The following MYO18B variants were observed in gnomAD, a reference collection of about 807,000 sequenced individuals.
MYO18B encodes unconventional myosin-XVIIIb.
MYO18B carries 204 observed loss-of-function variants against 273.0 expected under a neutral mutation model. The observed-to-expected ratio is 0.75, with a 90% CI of 0.67 to 0.84. The LOEUF is 0.84. Ranked by LOEUF, MYO18B falls within the 40% of genes least tolerant of loss-of-function variation. The probability of loss-of-function intolerance (pLI) is 0.00; values close to 1 mark genes in which losing one functional copy is unlikely to be tolerated. For synonymous variants in MYO18B, 1,330 were observed against 1,305.7 expected, an observed-to-expected ratio of 1.02 and a Z score of -0.40; for missense variants, 3,212 against 3,287.6, an observed-to-expected ratio of 0.98 and a Z score of 0.56.
rs368334234 is a variant in MYO18B at position 25,831,486 on chromosome 22, G to A, written c.2980-1431G>A. 1.1e-3 allele frequency among the ~76,000 whole-genome samples: 173 copies of A among 152,258 alleles called. 2 individuals are homozygous for A. The South Asian group carries it at 0.034, about 30-fold the overall frequency. The stretch of plus-strand genomic sequence containing the variant: ...CAACCTCTGCCTCCCGGGTTCAAGC[G>A]ATTCTCTTGCCTCAGCCTCCCAAGT... On this transcript the variant is annotated intron_variant, in intron 15 of 43. Transcript: ENST00000335473.
At position 25,875,512 on chromosome 22, in the gene MYO18B, C is replaced by CA. The variant is rs566477493; in HGVS notation, c.4081-677_4081-676insA. Among the ~76,000 whole-genome samples, 18 of 151,746 alleles carry CA rather than the reference C, an allele frequency of 1.2e-4. No homozygotes were observed. In the South Asian group the frequency reaches 1.5e-3, roughly 12 times the overall value. The stretch of plus-strand genomic sequence containing the variant: ...CAGTCAGTGCTGTTCTGGTCCCCCC[C>CA]CCAGTGATAAGAATGAAGCGGGTCA... On this transcript the variant is annotated intron_variant, in intron 23 of 43. Transcript: ENST00000335473.
intron 3 of MYO18B, among the ~76,000 whole-genome samples, chr22:25,767,331 G>A (rs930443991): frequency 4.6e-5 from 7 of 152,230 alleles, no homozygotes; most frequent in African/African-American, 1.7e-4. Context: ...TCAGGCAAGA[G>A]TGGGGGACCC....
At chr22:25,875,757 C>T (rs1043873225) in intron 23 of MYO18B, among the ~76,000 whole-genome samples, 7 of 152,288 alleles carry the variant, frequency 4.6e-5, no homozygotes, top group African/African-American at 1.7e-4. Flanking sequence ...AAAATGATCT[C>T]CCTTCAATAT....
chr22:25,895,175 C>T lies in MYO18B; in HGVS notation c.4563C>T (p.Arg1521=). ...AAACAGCAGACGAGTGGCAGATGCGCTTCGACTGTGCTCAGATGGAGAACG... is the reference window on the plus strand; with the variant it reads ...AAACAGCAGACGAGTGGCAGATGCGTTTCGACTGTGCTCAGATGGAGAACG... ...PTGGADEWQM[R]FDCAQMENEF... is the part of the protein sequence containing the mutation. Residue 1521 remains arginine (R), a synonymous_variant, in exon 28 of 44, where the codon CGC becomes CGT. Transcript: ENST00000335473. The T allele has an allele frequency of 6.2e-7, 1 of 1,612,482 alleles. No homozygotes were observed. The highest frequency in any genetic ancestry group is 8.5e-7 in the Non-Finnish European group (1 of 1,179,328).
At chr22:25,840,210 TCATAACAAGGC>T (rs1272007941) in intron 17 of MYO18B, among the ~76,000 whole-genome samples, 3 of 152,202 alleles carry the variant, frequency 2.0e-5, no homozygotes, top group African/African-American at 7.2e-5. Flanking sequence ...AGGGCCCTGA[TCATAACAAGGC>T]CATATGTGCA....
chr22:25,789,605 C>T (rs1201660040), intron 11 of MYO18B, among the ~76,000 whole-genome samples: 1 of 149,676 alleles, frequency 6.7e-6, no homozygotes, highest in East Asian at 2.0e-4. Context: ...CACTGCACCC[C>T]AGCCTAAGTG....
At position 25,831,222 on chromosome 22, in the gene MYO18B, C is replaced by T. The variant is rs1417830331; in HGVS notation, c.2980-1695C>T. ...GTATTACATTATTCACATAACCTCC[C>T]TCCACTTACAAATCTTAGTAAACCT... On this transcript the variant is annotated intron_variant, in intron 15 of 43. Transcript: ENST00000335473. 2.6e-5 allele frequency among the ~76,000 whole-genome samples: 4 copies of T among 152,188 alleles called. No individual in the cohort carries two copies. The East Asian group carries it at 5.8e-4, about 22-fold the overall frequency.
chr22:25,850,474 A>G (rs1863743417), intron 20 of MYO18B, among the ~76,000 whole-genome samples: 1 of 152,210 alleles, frequency 6.6e-6, no homozygotes, highest in East Asian at 1.9e-4. Context: ...AATGAGGATG[A>G]TAACATAGGC....
chr22:25,796,457 A>G (rs2087913536), intron 11 of MYO18B, among the ~76,000 whole-genome samples: 1 of 152,052 alleles, frequency 6.6e-6, no homozygotes, highest in Non-Finnish European at 1.5e-5. Flanking sequence ...TCATCTGGGC[A>G]TGGCAGTGTG....
intron 12 of MYO18B, among the ~76,000 whole-genome samples, chr22:25,819,659 A>G (rs1211810607): frequency 6.6e-6 from 1 of 152,208 alleles, no homozygotes; most frequent in African/African-American, 2.4e-5. Flanking sequence ...CTCATTTAAC[A>G]TAGTGTGATA....
chr22:25,967,858 C>T (rs1341218832), intron 39 of MYO18B, among the ~76,000 whole-genome samples: 2 of 152,172 alleles, frequency 1.3e-5, no homozygotes, highest in African/African-American at 4.8e-5. Context: ...CTGACTGTGT[C>T]CATCTCTTCC....
chr22:25,816,327 G>A (rs1009008402), intron 12 of MYO18B, among the ~76,000 whole-genome samples: 20 of 152,112 alleles, frequency 1.3e-4, no homozygotes, highest in African/African-American at 2.2e-4. Flanking sequence ...CATCCTGCCC[G>A]TATAACCTCA....
chr22:25,831,461 C>T (rs752882501), intron 15 of MYO18B, among the ~76,000 whole-genome samples: 1 of 152,190 alleles, frequency 6.6e-6, no homozygotes, highest in Non-Finnish European at 1.5e-5. Context: ...CAGCTCACTG[C>T]AACCTCTGCC....
intron 39 of MYO18B, among the ~76,000 whole-genome samples, chr22:25,956,648 G>A (rs924946790): frequency 6.6e-6 from 1 of 151,964 alleles, no homozygotes; most frequent in Non-Finnish European, 1.5e-5. Flanking sequence ...TCTCCACGGG[G>A]CCAGATATCA....
chr22:25,779,986 G>A, intron 8 of MYO18B, 70 bp from the exon 9 acceptor site: 1 of 1,484,354 alleles, frequency 6.7e-7, no homozygotes, highest in Non-Finnish European at 9.0e-7. Flanking sequence ...GGAAAAGGTG[G>A]ACCTGTGTGA....
At chr22:25,829,314 AG>A (rs1184736696) in intron 15 of MYO18B, among the ~76,000 whole-genome samples, 1 of 147,394 alleles carries the variant, frequency 6.8e-6, no homozygotes, top group Non-Finnish European at 1.5e-5. Context: ...GCATCTGCCC[AG>A]GGGGGGAATG....
chr22:26,048,735 A>G, the MYO18B span, among the ~76,000 whole-genome samples: 1 of 152,174 alleles, frequency 6.6e-6, no homozygotes, highest in Non-Finnish European at 1.5e-5. Flanking sequence ...GCTATTGTGA[A>G]TAGTGCTGCA....
At chr22:26,063,564 CTCTT>C in the MYO18B span, among the ~76,000 whole-genome samples, 1 of 152,174 alleles carries the variant, frequency 6.6e-6, no homozygotes, top group Non-Finnish European at 1.5e-5. Context: ...AGGTCCAGGT[CTCTT>C]TGCACATCAG....
At chr22:25,761,576 G>A (rs1214353052) in intron 2 of MYO18B, among the ~76,000 whole-genome samples, 1 of 152,152 alleles carries the variant, frequency 6.6e-6, no homozygotes, top group African/African-American at 2.4e-5. Flanking sequence ...AACCGGAAAC[G>A]GGCTCTCCTC....
Sources: allele counts gnomAD v4.1 joint callset (sites outside exome capture counted in the v4.1 genomes callset), GRCh38; gene constraint gnomAD v4.1.1; transcripts MANE v1.5; gene names NCBI Gene and HGNC (gene_info 2026-07-23, HGNC 2026-07-21).